ATF3: variants seen among roughly 807,000 people sequenced by gnomAD.
ATF3 encodes the protein activating transcription factor 3, also known as cyclic AMP-dependent transcription factor ATF-3.
Under a neutral mutation model 18.4 loss-of-function variants are expected in ATF3, and 10 were observed. That is an observed-to-expected ratio of 0.54 (90% CI 0.34 to 0.92). The LOEUF (loss-of-function observed/expected upper bound fraction) is 0.92, where lower values mean the gene tolerates loss of function less well. Among genes scored for constraint, ATF3 ranks in the 40% least tolerant of loss-of-function variants. The pLI is 0.02. For missense variants in ATF3, 183 were observed against 222.3 expected, an observed-to-expected ratio of 0.82 and a Z score of 1.12; for synonymous variants, 78 against 87.9, an observed-to-expected ratio of 0.89 and a Z score of 0.63.
rs201595200 is a variant in ATF3, at chr1:212,615,058, G to A, written c.37G>A (p.Glu13Lys). 134 of 1,614,160 alleles carry A rather than the reference G, an allele frequency of 8.3e-5. No homozygotes were observed. The highest frequency in any genetic ancestry group is 1.1e-4 in the Non-Finnish European group (133 of 1,180,036). Residue 13 changes from glutamate (E) to lysine (K), a missense_variant, in exon 2 of 4, where the codon GAA becomes AAA. Coordinates refer to ENST00000341491, the MANE Select transcript of ATF3 (RefSeq NM_001674.4). ...LQHPGQVSAS[E>K]VSASAIVPCL... ...ACACCCAGGCCAGGTCTCTGCCTCGGAAGTGAGTGCTTCTGCCATCGTCCC... is the reference window on the plus strand; with the variant it reads ...ACACCCAGGCCAGGTCTCTGCCTCGAAAGTGAGTGCTTCTGCCATCGTCCC...
At chr1:212,578,487 T>G (rs1664622633) in intron 1 of ATF3, among the ~76,000 whole-genome samples, 1 of 152,246 alleles carries the variant, frequency 6.6e-6, no homozygotes, top group African/African-American at 2.4e-5. Context: ...CTCCGCACCA[T>G]TTTCCACTTC....
At chr1:212,597,460 C>CATCTA (rs1558233081) in intron 1 of ATF3, among the ~76,000 whole-genome samples, 1 of 131,778 alleles carries the variant, frequency 7.6e-6, no homozygotes. Context: ...TCATCTATCT[C>CATCTA]TCTATCTAGC....
chr1:212,573,525 G>T (rs1664519996), intron 1 of ATF3, among the ~76,000 whole-genome samples: 1 of 151,862 alleles, frequency 6.6e-6, no homozygotes, highest in South Asian at 2.1e-4. Flanking sequence ...ATTTAGATAG[G>T]TTTATTATCT....
At chr1:212,603,909 T>G (rs560925072), upstream of ATF3, among the ~76,000 whole-genome samples, 5 of 152,140 alleles carry the variant, frequency 3.3e-5, no homozygotes, top group East Asian at 9.6e-4. Flanking sequence ...ATTTCAAAGG[T>G]GCATGCAATC....
At chr1:212,569,422 ATTTTTCCAC>A (rs1013902559) in intron 1 of ATF3, among the ~76,000 whole-genome samples, 75 of 152,136 alleles carry the variant, frequency 4.9e-4, no homozygotes, top group African/African-American at 1.7e-3. Context: ...TCTTGTTTTC[ATTTTTCCAC>A]TTTTCTAATG....
In ATF3 at chr1:212,618,023, C is replaced by A; in HGVS notation, c.241-104C>A. The A allele has an allele frequency of 8.7e-7, 1 of 1,150,224 alleles. No individual in the cohort carries two copies. The highest frequency in any genetic ancestry group is 1.3e-6 in the Non-Finnish European group (1 of 778,732). 71.3% of individuals were successfully genotyped at this position (1,150,224 alleles called of 1,614,324 possible). On this transcript the variant is annotated intron_variant, in intron 2 of 3. Coordinates refer to ENST00000341491, the MANE Select transcript of ATF3 (RefSeq NM_001674.4). This position sits in a 1 kb window ranked among gnomAD's most constrained non-coding sequence, Gnocchi z 4.4. ...GTATTTCGGGGTCTTTTAGCGCTAGCATTGCCCTTGTCTGCCAGCTTTTGC... is the reference window on the plus strand; with the variant it reads ...GTATTTCGGGGTCTTTTAGCGCTAGAATTGCCCTTGTCTGCCAGCTTTTGC...
At position 212,618,985 on chromosome 1, in the gene ATF3, T is replaced by C; in HGVS notation, c.349-373T>C. On this transcript the variant is annotated intron_variant, in intron 3 of 3. Coordinates refer to ENST00000341491, the MANE Select transcript of ATF3 (RefSeq NM_001674.4). This position sits in a 1 kb window ranked among gnomAD's most constrained non-coding sequence, Gnocchi z 4.4. ...TACATTTTTTCTGGGGAGATGAGCT[T>C]CTCATTGAGATCTGTGACTCAGAAT... 1 of 1,604,178 alleles carries C rather than the reference T, an allele frequency of 6.2e-7. No homozygotes were observed. The highest frequency in any genetic ancestry group is 1.7e-4 in the Middle Eastern group (1 of 6,048).
rs1362853658 is a variant in ATF3 at position 212,619,421 on chromosome 1, G to A, written c.412G>A (p.Glu138Lys). ...GGCTCAGATTGAGGAGCTCAAGAAC[G>A]AGAAGCAGCATTTGATATACATGCT... ...LKAQIEELKN[E>K]KQHLIYMLNL... Residue 138 changes from glutamate (E) to lysine (K), a missense_variant, in exon 4 of 4, where the codon GAG (glutamate) becomes AAG (lysine). Glu to Lys is a moderately conservative substitution (Grantham distance 56). Coordinates refer to ENST00000341491, the MANE Select transcript of ATF3 (RefSeq NM_001674.4). This position sits in a 1 kb window ranked among gnomAD's most constrained non-coding sequence, Gnocchi z 4.4. 5 of 1,614,104 alleles carry A rather than the reference G, an allele frequency of 3.1e-6. No homozygotes were observed. Among genetic ancestry groups the A allele is most frequent in the Admixed American group, 1.7e-5 (1 of 60,012 alleles).
rs140770340 is a variant in ATF3 at position 212,579,865 on chromosome 1, C to A, written c.-5+14382C>A. On this transcript the variant is annotated intron_variant, in intron 1 of 3. Transcript: ENST00000366981. ...CTTGGTTAAGAAACAGATTTGTAGA[C>A]TGGGCACAGTGGCTCACGCCTGTAA... Among the ~76,000 whole-genome samples the A allele has an allele frequency of 2.6e-5, 4 of 152,178 alleles. No homozygotes were observed. In the East Asian group the frequency reaches 7.7e-4, roughly 29 times the overall value.
At chr1:212,589,303 T>C (rs1664838713) in intron 1 of ATF3, among the ~76,000 whole-genome samples, 1 of 152,236 alleles carries the variant, frequency 6.6e-6, no homozygotes, top group African/African-American at 2.4e-5. Flanking sequence ...GTTTTCATTC[T>C]TGATGCAAAA....
chr1:212,580,861 C>G (rs879722363), intron 1 of ATF3, among the ~76,000 whole-genome samples: 2 of 152,166 alleles, frequency 1.3e-5, no homozygotes, highest in Non-Finnish European at 1.5e-5. Flanking sequence ...CTTCACCTCC[C>G]GGGTTCAAGT....
At chr1:212,617,147 A>G (rs1655162652) in intron 2 of ATF3, among the ~76,000 whole-genome samples, 2 of 152,162 alleles carry the variant, frequency 1.3e-5, no homozygotes, top group South Asian at 4.1e-4. Context: ...TGTTTTTATC[A>G]CTACTAGGAC....
At chr1:212,576,130 T>G (rs1278289236) in intron 1 of ATF3, among the ~76,000 whole-genome samples, 1 of 152,148 alleles carries the variant, frequency 6.6e-6, no homozygotes, top group East Asian at 1.9e-4. Context: ...ATAATTTAAT[T>G]TCTTTAGTAG....
chr1:212,579,911 G>A (rs868589719), intron 1 of ATF3, among the ~76,000 whole-genome samples: 3 of 151,926 alleles, frequency 2.0e-5, no homozygotes, highest in Non-Finnish European at 2.9e-5. Context: ...TTGGGAGGCC[G>A]AGGCAGGTGG....
rs1471456847 is a variant in ATF3 at position 212,608,895 on chromosome 1, C to G, written c.-40C>G. The G allele has an allele frequency of 6.6e-6, 1 of 152,504 alleles. No individual in the cohort carries two copies. The highest frequency in any genetic ancestry group is 2.4e-5 in the African/African-American group (1 of 41,442). The allele number at this position is 152,504 out of a possible 1,614,324, so 9.4% of individuals were successfully genotyped here. A position where few individuals can be genotyped will look rare whatever the true frequency, so the allele number is the denominator to read the frequency against. Reference sequence around the variant, plus strand: ...GCCAGACAAACAGCCCGCCCGACCCCGTCCCGACCCTGGCCGCCCCGAGCG... The same window carrying G: ...GCCAGACAAACAGCCCGCCCGACCCGGTCCCGACCCTGGCCGCCCCGAGCG... On this transcript the variant is annotated 5_prime_UTR_variant, in exon 1 of 4. Coordinates refer to ENST00000341491, the MANE Select transcript of ATF3 (RefSeq NM_001674.4).
Position 212,618,740 on chromosome 1 carries a change from C to A in ATF3, c.348+506C>A. On this transcript the variant is annotated intron_variant, in intron 3 of 3. Transcript: ENST00000341491. The surrounding 1 kb of genome is among the most constrained non-coding windows in gnomAD (Gnocchi z 4.4). Reference sequence around the variant, plus strand: ...CTTAGCCAGTAAGCTGAGCCCCTGGCTGCGTTCAGCCGGCCCGCCTGAGAG... The same window carrying A: ...CTTAGCCAGTAAGCTGAGCCCCTGGATGCGTTCAGCCGGCCCGCCTGAGAG... 2 of 495,394 alleles carry A rather than the reference C, an allele frequency of 4.0e-6. No individual in the cohort carries two copies. Among genetic ancestry groups the A allele is most frequent in the South Asian group, 2.1e-5 (1 of 47,706 alleles). The allele number at this position is 495,394 out of a possible 1,614,324, so 30.7% of individuals were successfully genotyped here. A position where few individuals can be genotyped will look rare whatever the true frequency, so the allele number is the denominator to read the frequency against.
At chr1:212,602,821 C>T (rs1654517926) in intron 1 of ATF3, among the ~76,000 whole-genome samples, 2 of 152,234 alleles carry the variant, frequency 1.3e-5, no homozygotes, top group Non-Finnish European at 2.9e-5. Context: ...AGGAATAAAA[C>T]TTTTGGCAGC....
rs558922596 is a variant in ATF3, at chr1:212,567,875, T to A, written c.-5+2392T>A. ...GTGCAGTGTGCCAAGTATTTAGACC[T>A]CAGGAGAGAAAAACTGGGCTCCAGT... On this transcript the variant is annotated intron_variant, in intron 1 of 3. Coordinates refer to the ATF3 transcript ENST00000366981. Among the ~76,000 whole-genome samples the A allele has an allele frequency of 1.1e-4, 16 of 152,242 alleles. No homozygotes were observed. The South Asian group carries it at 3.3e-3, about 32-fold the overall frequency.
Position 212,615,076 on chromosome 1 carries a change from A to G in ATF3, c.55A>G (p.Ile19Val). ...TGCCTCGGAAGTGAGTGCTTCTGCC[A>G]TCGTCCCCTGCCTGTCCCCTCCTGG... ...VSASEVSASA[I>V]VPCLSPPGSL... The change falls in exon 2 of 4, where the codon ATC becomes GTC. Residue 19 changes from isoleucine (I) to valine (V), a missense_variant. Ile to Val is a conservative substitution (Grantham distance 29). Coordinates refer to ENST00000341491, the MANE Select transcript of ATF3 (RefSeq NM_001674.4). 4 of 1,614,166 alleles carry G rather than the reference A, an allele frequency of 2.5e-6. No individual in the cohort carries two copies. Among genetic ancestry groups the G allele is most frequent in the Non-Finnish European group, 3.4e-6 (4 of 1,180,032 alleles).
Sources: gnomAD v4.1 joint callset for allele counts (sites outside exome capture counted in the v4.1 genomes callset) on GRCh38, gnomAD v4.1.1 for gene constraint, Gnocchi (gnomAD v3.1) non-coding constraint, MANE v1.5 for transcripts, NCBI Gene and HGNC (gene_info 2026-07-23, HGNC 2026-07-21) for gene names.